The following PDE7B variants were observed in gnomAD, a reference collection of about 807,000 sequenced individuals.
PDE7B encodes phosphodiesterase 7B.
In PDE7B, 29 loss-of-function variants were observed where a neutral mutation model predicts 56.2. That is an observed-to-expected ratio of 0.52 (90% CI 0.38 to 0.70). The LOEUF (loss-of-function observed/expected upper bound fraction) is 0.70, where lower values mean the gene tolerates loss of function less well. Among genes scored for constraint, PDE7B ranks in the 30% least tolerant of loss-of-function variants. The pLI is 0.00. For synonymous variants in PDE7B, 197 were observed against 196.9 expected (o/e 1.00, Z 0.00); for missense variants, 490 against 565.0 (o/e 0.87, Z 1.35).
At chr6:135,878,015 C>T (rs1323687664) in intron 1 of PDE7B, among the ~76,000 whole-genome samples, 1 of 152,130 alleles carries the variant, frequency 6.6e-6, no homozygotes, top group Non-Finnish European at 1.5e-5. Flanking sequence ...AGCAGGTTTC[C>T]AGAGTTCTGG....
chr6:136,036,911 T>C (rs938981253), intron 2 of PDE7B, among the ~76,000 whole-genome samples: 2 of 152,202 alleles, frequency 1.3e-5, no homozygotes, highest in Non-Finnish European at 2.9e-5. Flanking sequence ...AAGTGCCAAA[T>C]ACAAAACTAC....
At chr6:136,134,123 T>C (rs1045512128) in intron 3 of PDE7B, among the ~76,000 whole-genome samples, 8 of 151,872 alleles carry the variant, frequency 5.3e-5, no homozygotes, top group African/African-American at 1.9e-4. Context: ...CCGTTGGTGG[T>C]AGGTGAGATA....
At chr6:135,981,303 A>T (rs1326614812) in intron 2 of PDE7B, among the ~76,000 whole-genome samples, 4 of 80,588 alleles carry the variant, frequency 5.0e-5, no homozygotes, top group African/African-American at 1.9e-4. Context: ...GGGAGGGGGG[A>T]GGGATAGCAC....
intron 2 of PDE7B, among the ~76,000 whole-genome samples, chr6:136,011,284 G>A (rs1775890682): frequency 6.6e-6 from 1 of 152,068 alleles, no homozygotes; most frequent in African/African-American, 2.4e-5. Context: ...TTATCCAAAT[G>A]GCAATACTCA....
intron 2 of PDE7B, among the ~76,000 whole-genome samples, chr6:136,088,580 G>T (rs1246093570): frequency 6.6e-6 from 1 of 152,150 alleles, no homozygotes; most frequent in Non-Finnish European, 1.5e-5. Flanking sequence ...ACCATATATT[G>T]TATTGTTTGC....
intron 2 of PDE7B, chr6:136,047,631 T>C (rs1420284376): frequency 1.3e-5 from 2 of 152,226 alleles, no homozygotes; most frequent in Non-Finnish European, 2.9e-5. Flanking sequence ...GATGTTTCAA[T>C]GTTACATACA....
intron 1 of PDE7B, among the ~76,000 whole-genome samples, chr6:135,876,682 C>A (rs1367523869): frequency 2.6e-5 from 4 of 151,776 alleles, no homozygotes; most frequent in African/African-American, 9.7e-5. Flanking sequence ...CATGGTGAGA[C>A]CCCCGTCTCT....
At chr6:136,175,101 T>C (rs1778955643) in intron 9 of PDE7B, among the ~76,000 whole-genome samples, 1 of 152,162 alleles carries the variant, frequency 6.6e-6, no homozygotes, top group African/African-American at 2.4e-5. Flanking sequence ...CCTGCATTCA[T>C]CCTGTTTGTT....
intron 1 of PDE7B, among the ~76,000 whole-genome samples, chr6:135,888,477 A>T (rs1466025779): frequency 6.6e-6 from 1 of 152,036 alleles, no homozygotes; most frequent in Non-Finnish European, 1.5e-5. Context: ...CATGTATAAC[A>T]CCTTAAATAG....
At chr6:136,075,740 G>T (rs1777117845) in intron 2 of PDE7B, among the ~76,000 whole-genome samples, 1 of 152,016 alleles carries the variant, frequency 6.6e-6, no homozygotes, top group Non-Finnish European at 1.5e-5. Flanking sequence ...CCCTGAAAAG[G>T]GTACTCACTG....
chr6:135,955,733 C>T (rs1476525626), intron 2 of PDE7B, among the ~76,000 whole-genome samples: 1 of 152,040 alleles, frequency 6.6e-6, no homozygotes, highest in Non-Finnish European at 1.5e-5. Context: ...AAGGATGAGT[C>T]CTACCTGAAT....
intron 1 of PDE7B, among the ~76,000 whole-genome samples, chr6:135,855,685 G>A (rs1044013131): frequency 5.9e-5 from 9 of 152,136 alleles, no homozygotes; most frequent in Non-Finnish European, 8.8e-5. Context: ...GTACATTGGC[G>A]TCCTCTTCAT....
chr6:136,079,228 C>T (rs1777169532), intron 2 of PDE7B, among the ~76,000 whole-genome samples: 1 of 152,106 alleles, frequency 6.6e-6, no homozygotes, highest in South Asian at 2.1e-4. Context: ...ACCCCCTGTA[C>T]CCTTAAACAA....
intron 3 of PDE7B, among the ~76,000 whole-genome samples, chr6:136,130,106 G>A (rs903008531): frequency 2.0e-5 from 3 of 151,976 alleles, no homozygotes; most frequent in East Asian, 1.9e-4. Context: ...TTTTCTGACC[G>A]ACCACTCCAT....
intron 2 of PDE7B, chr6:136,044,962 G>A (rs1247679338): frequency 6.6e-6 from 1 of 150,468 alleles, no homozygotes; most frequent in African/African-American, 2.4e-5. Flanking sequence ...AACAAGGCTG[G>A]TTCAACTGGA....
At chr6:136,054,703 C>A (rs1012329663) in intron 2 of PDE7B, among the ~76,000 whole-genome samples, 1 of 152,128 alleles carries the variant, frequency 6.6e-6, no homozygotes, top group East Asian at 1.9e-4. Flanking sequence ...AATGTTCTTC[C>A]ATTTGTTTGT....
chr6:136,195,020 A>G lies in PDE7B; in HGVS notation c.*3180A>G, dbSNP rs1183293089. ...TTAATTCTTTCATTGCTTGAGAAGAAAGGAATCAAAGGACTGTGTGTAGTA... is the reference window on the plus strand; with the variant it reads ...TTAATTCTTTCATTGCTTGAGAAGAGAGGAATCAAAGGACTGTGTGTAGTA... On this transcript the variant is annotated 3_prime_UTR_variant, in exon 13 of 13. Coordinates refer to ENST00000308191, the MANE Select transcript of PDE7B (RefSeq NM_018945.4). 1 of 152,234 alleles carries G rather than the reference A, an allele frequency of 6.6e-6. No individual in the cohort carries two copies. Among genetic ancestry groups the G allele is most frequent in the East Asian group, 1.9e-4 (1 of 5,194 alleles). The allele number at this position is 152,234 out of a possible 1,614,324, so 9.4% of individuals were successfully genotyped here.
At chr6:136,083,831 T>G (rs186194877) in intron 2 of PDE7B, among the ~76,000 whole-genome samples, 1 of 152,198 alleles carries the variant, frequency 6.6e-6, no homozygotes, top group East Asian at 1.9e-4. Context: ...CCTCCCACAT[T>G]GATATTTTTC....
At chr6:136,101,822 C>T (rs1777567998) in intron 2 of PDE7B, among the ~76,000 whole-genome samples, 1 of 152,128 alleles carries the variant, frequency 6.6e-6, no homozygotes, top group Non-Finnish European at 1.5e-5. Flanking sequence ...AGCTGTGGTC[C>T]ACAGCACACC....
Sources: allele counts gnomAD v4.1 joint callset (sites outside exome capture counted in the v4.1 genomes callset), GRCh38; gene constraint gnomAD v4.1.1; transcripts MANE v1.5; gene names NCBI Gene and HGNC (gene_info 2026-07-23, HGNC 2026-07-21).